Variants in KREMEN1 observed in about 807,000 individuals in gnomAD.
KREMEN1 encodes the protein kringle containing transmembrane protein 1, also known as kremen protein 1.
KREMEN1 carries 30 observed loss-of-function variants against 46.5 expected under a neutral mutation model. That is an observed-to-expected ratio of 0.65 (90% CI 0.48 to 0.88). The LOEUF (loss-of-function observed/expected upper bound fraction) is 0.88. Ranked by LOEUF, KREMEN1 falls within the 40% of genes least tolerant of loss-of-function variation. The pLI is 0.00. For synonymous variants in KREMEN1, 214 were observed against 230.6 expected (o/e 0.93, Z 0.65); for missense variants, 533 against 596.9 (o/e 0.89, Z 1.11).
At position 29,137,679 on chromosome 22, in the gene KREMEN1, G is replaced by A; in HGVS notation, c.964+5G>A. ...GATTTGCTGTTTTATACCAAGGTAA[G>A]ACATCTTTGCCTCCTTGGGGGTTCT... On this transcript the variant is annotated splice_donor_5th_base_variant and intron_variant, in intron 6 of 8. Coordinates refer to ENST00000400335, the MANE Select transcript of KREMEN1 (RefSeq NM_001039570.3). The A allele has an allele frequency of 6.3e-7, 1 of 1,581,226 alleles. No homozygotes were observed. Among genetic ancestry groups the A allele is most frequent in the South Asian group, 1.1e-5 (1 of 89,264 alleles).
chr22:29,139,244 TATAA>T (rs2038719875), intron 7 of KREMEN1, among the ~76,000 whole-genome samples: 1 of 152,142 alleles, frequency 6.6e-6, no homozygotes, highest in Non-Finnish European at 1.5e-5. Flanking sequence ...TTCTGTGGCG[TATAA>T]ATGAGAGGAG....
intron 3 of KREMEN1, among the ~76,000 whole-genome samples, chr22:29,119,627 G>T (rs971148292): frequency 6.6e-6 from 1 of 152,220 alleles, no homozygotes; most frequent in Non-Finnish European, 1.5e-5. Context: ...TGTCACGGGG[G>T]TATGCAAACA....
At chr22:29,106,218 C>CTT (rs36063476) in intron 3 of KREMEN1, among the ~76,000 whole-genome samples, 3 of 143,182 alleles carry the variant, frequency 2.1e-5, no homozygotes, top group Admixed American at 6.9e-5. Flanking sequence ...TTCACATTAT[C>CTT]TTTTTTTTTT....
intron 5 of KREMEN1, among the ~76,000 whole-genome samples, chr22:29,131,865 C>CTGTTT (rs2038565919): frequency 2.2e-5 from 1 of 45,830 alleles, no homozygotes; most frequent in South Asian, 1.4e-3. Context: ...TAGAATAATG[C>CTGTTT]TTTTTTTTTT....
At chr22:29,131,993 C>T (rs1168264092) in intron 5 of KREMEN1, among the ~76,000 whole-genome samples, 1 of 150,088 alleles carries the variant, frequency 6.7e-6, no homozygotes, top group African/African-American at 2.5e-5. Context: ...CTGCCTCAGC[C>T]TCCGGAGTAG....
chr22:29,073,808 C>G lies in KREMEN1; in HGVS notation c.97+581C>G, dbSNP rs1008044350. On this transcript the variant is annotated intron_variant, in intron 1 of 8. Transcript: ENST00000400335. This position sits in a 1 kb window ranked among gnomAD's most constrained non-coding sequence, Gnocchi z 4.4. The stretch of plus-strand genomic sequence containing the variant: ...CGTCCCCAAGTCCCCAGCGACCCCT[C>G]CCGGGCCGGGACGACCCCTGCTCCC... Among the ~76,000 whole-genome samples the G allele has an allele frequency of 6.6e-6, 1 of 151,892 alleles. No homozygotes were observed. The highest frequency in any genetic ancestry group is 1.5e-5 in the Non-Finnish European group (1 of 67,894).
chr22:29,148,317 T>G (rs1411571680), downstream of KREMEN1, among the ~76,000 whole-genome samples: 2 of 151,982 alleles, frequency 1.3e-5, no homozygotes, highest in East Asian at 3.9e-4. Flanking sequence ...GGGCCACCCC[T>G]CAGAAGGCTA....
intron 1 of KREMEN1, among the ~76,000 whole-genome samples, chr22:29,093,731 G>T (rs900329779): frequency 6.6e-6 from 1 of 152,216 alleles, no homozygotes; most frequent in Non-Finnish European, 1.5e-5. Context: ...GTCATTCCCA[G>T]ATTTGTGTGA....
At chr22:29,113,673 T>C (rs945898788) in intron 3 of KREMEN1, among the ~76,000 whole-genome samples, 1 of 152,186 alleles carries the variant, frequency 6.6e-6, no homozygotes, top group African/African-American at 2.4e-5. Context: ...GAATTTACCC[T>C]AGGGTTTGTC....
chr22:29,156,699 A>G (rs1039178494), intron 9 of KREMEN1, among the ~76,000 whole-genome samples: 8 of 152,238 alleles, frequency 5.3e-5, no homozygotes, highest in Non-Finnish European at 1.5e-5. Context: ...GCATTCATCA[A>G]ACCACTCGGG....
chr22:29,099,090 C>A, intron 3 of KREMEN1, 137 bp downstream of exon 3: 3 of 644,620 alleles, frequency 4.7e-6, no homozygotes, highest in South Asian at 1.9e-5. Flanking sequence ...CCATCCTGGG[C>A]GAGGATTTTC....
rs3216846 is a variant in KREMEN1 at position 29,146,194 on chromosome 22, AT to A, written c.*4084del. 247,742 of 985,390 alleles carry A rather than the reference AT, an allele frequency of 0.25. 34,630 individuals are homozygous for A. The highest frequency in any genetic ancestry group is 0.58 in the African/African-American group (32,925 of 57,128). 61.0% of individuals were successfully genotyped at this position (985,390 alleles called of 1,614,324 possible). ...TTTTGTTCCTACCTTGGGAGTTTGG[AT>A]TGTTTCCTCTGGTGTCTTTGTTTAC... On this transcript the variant is annotated 3_prime_UTR_variant, in exon 9 of 9. Transcript: ENST00000400335.
chr22:29,123,836 C>G (rs1011999995), intron 4 of KREMEN1, among the ~76,000 whole-genome samples: 1 of 152,134 alleles, frequency 6.6e-6, no homozygotes, highest in African/African-American at 2.4e-5. Flanking sequence ...TAGTCGACAT[C>G]ATTAGCCATT....
Position 29,125,139 on chromosome 22 carries a change from C to G in KREMEN1, c.478-124C>G, listed in dbSNP as rs1054883245. On this transcript the variant is annotated intron_variant, in intron 4 of 8. Transcript: ENST00000400335. The stretch of plus-strand genomic sequence containing the variant: ...GCAAGAGTGGAAGAAGGGGGAGGTC[C>G]CAGGGGAAGGGACCCTGGGAAGTTG... The G allele has an allele frequency of 7.8e-6, 8 of 1,028,392 alleles. No homozygotes were observed. The African/African-American group carries it at 1.3e-4, about 16-fold the overall frequency. 63.7% of individuals were successfully genotyped at this position (1,028,392 alleles called of 1,614,324 possible). A position where few individuals can be genotyped will look rare whatever the true frequency, so the allele number is the denominator to read the frequency against.
chr22:29,142,432 G>A lies in KREMEN1; in HGVS notation c.*320G>A, dbSNP rs2038779048. 9.4e-7 allele frequency: 1 copy of A among 1,063,296 alleles called. No individual in the cohort carries two copies. The highest frequency in any genetic ancestry group is 1.1e-6 in the Non-Finnish European group (1 of 881,070). The allele number at this position is 1,063,296 out of a possible 1,614,324, so 65.9% of individuals were successfully genotyped here. On this transcript the variant is annotated 3_prime_UTR_variant, in exon 9 of 9. Transcript: ENST00000400335. ...AGGCTGAGATGACAGAGGTGGTCAT[G>A]GCTGGCACAGGGCTCAGGTACATTC... is the stretch of plus-strand genomic sequence containing the variant.
chr22:29,098,985 C>T (rs1469001913), intron 3 of KREMEN1, 32 bp downstream of exon 3: 4 of 1,519,226 alleles, frequency 2.6e-6, no homozygotes, highest in Admixed American at 3.3e-5. Context: ...TGATGGTTTA[C>T]AGGACTGTGA....
At chr22:29,127,471 GC>G (rs899685824) in intron 5 of KREMEN1, among the ~76,000 whole-genome samples, 7 of 152,212 alleles carry the variant, frequency 4.6e-5, no homozygotes, top group Middle Eastern at 3.4e-3. Context: ...GGCCAGCCTG[GC>G]CAACATGGTG....
chr22:29,135,320 G>T (rs9306463), intron 5 of KREMEN1, among the ~76,000 whole-genome samples: 3,514 of 152,168 alleles, frequency 0.023, 141 homozygotes, highest in African/African-American at 0.081. Flanking sequence ...AATGGTGTTT[G>T]GTATAGACTT....
intron 1 of KREMEN1, among the ~76,000 whole-genome samples, chr22:29,075,257 C>G (rs73882456): frequency 0.014 from 2,065 of 152,236 alleles, 54 homozygotes; most frequent in African/African-American, 0.047. Flanking sequence ...GGTTTAATGT[C>G]CCCTACAAAG....
Sources: allele counts gnomAD v4.1 joint callset (sites outside exome capture counted in the v4.1 genomes callset), GRCh38; gene constraint gnomAD v4.1.1; non-coding constraint Gnocchi (gnomAD v3.1); transcripts MANE v1.5; gene names NCBI Gene and HGNC (gene_info 2026-07-23, HGNC 2026-07-21).